DAB2IP: variants seen among roughly 807,000 people sequenced by gnomAD.
DAB2IP encodes the protein DAB2 interacting protein.
DAB2IP carries 28 observed loss-of-function variants against 107.2 expected under a neutral mutation model. That is an observed-to-expected ratio of 0.26 (90% CI 0.19 to 0.36). The LOEUF (loss-of-function observed/expected upper bound fraction) is 0.36, where lower values mean the gene tolerates loss of function less well. DAB2IP is among the 10% of genes least tolerant of loss of function. The pLI, the probability that DAB2IP is intolerant of heterozygous loss-of-function variation, is 1.00. For missense variants in DAB2IP, 1,400 were observed against 1,644.7 expected, an observed-to-expected ratio of 0.85 and a Z score of 2.57; for synonymous variants, 755 against 706.4, an observed-to-expected ratio of 1.07 and a Z score of -1.09.
exon 16 of DAB2IP, chr9:121,783,440 A>T (rs1835797762): frequency 1.9e-6 from 3 of 1,611,116 alleles, no homozygotes; most frequent in Non-Finnish European, 2.5e-6. Flanking sequence ...CCTGAAAGAA[A>T]AGGTGATCCT....
chr9:121,648,436 A>G (rs1832617028), upstream of DAB2IP, among the ~76,000 whole-genome samples: 1 of 150,726 alleles, frequency 6.6e-6, no homozygotes. Context: ...AGGGGGCTGA[A>G]ATGGGTTGGG....
At position 121,684,510 on chromosome 9, in the gene DAB2IP, C is replaced by T. The variant is rs1297929813; in HGVS notation, c.228+5729C>T. ...CTTTGGTCCAACTGCCCTCGGAGCCCCACGACAGCTCCTTCCCGCTCATCT... is the reference window on the plus strand; with the variant it reads ...CTTTGGTCCAACTGCCCTCGGAGCCTCACGACAGCTCCTTCCCGCTCATCT... On this transcript the variant is annotated intron_variant, in intron 2 of 15. Transcript: ENST00000408936. The surrounding 1 kb of genome is among the most constrained non-coding windows in gnomAD (Gnocchi z 4.0). Among the ~76,000 whole-genome samples the T allele has an allele frequency of 6.6e-6, 1 of 152,206 alleles. No homozygotes were observed. The highest frequency in any genetic ancestry group is 1.5e-5 in the Non-Finnish European group (1 of 68,042).
At chr9:121,775,640 C>T (rs1285118864) in intron 13 of DAB2IP, among the ~76,000 whole-genome samples, 1 of 152,238 alleles carries the variant, frequency 6.6e-6, no homozygotes, top group Non-Finnish European at 1.5e-5. Context: ...TGGACTGAGG[C>T]AGATCCAGAG....
intron 3 of DAB2IP, among the ~76,000 whole-genome samples, chr9:121,725,659 C>T (rs1346492246): frequency 6.6e-6 from 1 of 152,140 alleles, no homozygotes; most frequent in African/African-American, 2.4e-5. Flanking sequence ...ACTCTACCAG[C>T]GCTCAAGGAA....
chr9:121,728,177 C>T (rs1452073279), intron 3 of DAB2IP, among the ~76,000 whole-genome samples: 3 of 152,138 alleles, frequency 2.0e-5, no homozygotes, highest in African/African-American at 7.2e-5. Flanking sequence ...CCCTTGTTCT[C>T]CTTTCTTCCC....
intron 1 of DAB2IP, among the ~76,000 whole-genome samples, chr9:121,671,226 C>T (rs1445135937): frequency 6.6e-6 from 1 of 152,166 alleles, no homozygotes; most frequent in Non-Finnish European, 1.5e-5. Flanking sequence ...ATCCCAGCTA[C>T]TCAGAAGGCT....
intron 1 of DAB2IP, among the ~76,000 whole-genome samples, chr9:121,661,602 T>C (rs528779233): frequency 5.9e-5 from 9 of 152,252 alleles, no homozygotes; most frequent in Admixed American, 3.3e-4. Flanking sequence ...AGAGGCTCTC[T>C]TCCAGAAGTT....
rs1238595476 is a variant in DAB2IP at position 121,599,896 on chromosome 9, G to T, written c.40+32668G>T. ...GTTGGGGTAGGGGACTGAGGAATGG[G>T]CGGCGACTTTGCTTTATTTACCCCG... On this transcript the variant is annotated intron_variant, in intron 1 of 16. Coordinates refer to the DAB2IP transcript ENST00000259371. This position sits in a 1 kb window ranked among gnomAD's most constrained non-coding sequence, Gnocchi z 6.9. 2.0e-5 allele frequency among the ~76,000 whole-genome samples: 3 copies of T among 152,184 alleles called. No homozygotes were observed. The highest frequency in any genetic ancestry group is 1.3e-4 in the Admixed American group (2 of 15,284).
rs934555875 is a variant in DAB2IP at position 121,772,540 on chromosome 9, C to T, written c.2079-67C>T. 6.5e-7 allele frequency: 1 copy of T among 1,535,310 alleles called. No homozygotes were observed. Among genetic ancestry groups the T allele is most frequent in the Non-Finnish European group, 8.8e-7 (1 of 1,133,460 alleles). On this transcript the variant is annotated intron_variant, in intron 11 of 15. Transcript: ENST00000408936. This position sits in a 1 kb window ranked among gnomAD's most constrained non-coding sequence, Gnocchi z 4.7. ...GTTGGCGGGTGCTGTCGGTTTGGACCCGCCTTGGCTGCACTCACAGTTCTT... is the reference window on the plus strand; with the variant it reads ...GTTGGCGGGTGCTGTCGGTTTGGACTCGCCTTGGCTGCACTCACAGTTCTT...
At chr9:121,668,651 A>G (rs1833547141) in intron 1 of DAB2IP, among the ~76,000 whole-genome samples, 2 of 151,892 alleles carry the variant, frequency 1.3e-5, no homozygotes, top group South Asian at 4.1e-4. Context: ...GAGTCATATC[A>G]CCTATTTATA....
At chr9:121,617,090 C>T (rs1462214505) in intron 1 of DAB2IP, among the ~76,000 whole-genome samples, 2 of 152,112 alleles carry the variant, frequency 1.3e-5, no homozygotes, top group African/African-American at 4.8e-5. Context: ...TCCCAGCACT[C>T]TGGGAGGCCG....
At chr9:121,663,265 A>G (rs1456230740) in intron 1 of DAB2IP, among the ~76,000 whole-genome samples, 2 of 152,198 alleles carry the variant, frequency 1.3e-5, no homozygotes, top group Non-Finnish European at 2.9e-5. Flanking sequence ...CAGACTATTA[A>G]CGCGGCCAAC....
chr9:121,587,077 A>C (rs922626487), intron 1 of DAB2IP, among the ~76,000 whole-genome samples: 1 of 152,200 alleles, frequency 6.6e-6, no homozygotes, highest in African/African-American at 2.4e-5. Context: ...TTGTCCCCTC[A>C]GTAACCTGAC....
At chr9:121,765,130 G>A (rs1288786628) in intron 8 of DAB2IP, among the ~76,000 whole-genome samples, 1 of 152,248 alleles carries the variant, frequency 6.6e-6, no homozygotes, top group Non-Finnish European at 1.5e-5. Context: ...CCCTGGGCCG[G>A]TGGAGGAGAG....
rs143762972 is a variant in DAB2IP, at chr9:121,583,470, G to A, written c.40+16242G>A. On this transcript the variant is annotated intron_variant, in intron 1 of 16. Coordinates refer to the DAB2IP transcript ENST00000259371. ...GGGTAGGGGAGGAGCCGGCTCTTCT[G>A]GCCACTGAGGAACGTGCCAGAACAG... is the stretch of plus-strand genomic sequence containing the variant. Among the ~76,000 whole-genome samples the A allele has an allele frequency of 6.1e-4, 93 of 152,278 alleles. No individual in the cohort carries two copies. The East Asian group carries it at 0.015, about 25-fold the overall frequency.
At chr9:121,764,726 C>T (rs906660324) in intron 8 of DAB2IP, among the ~76,000 whole-genome samples, 1 of 152,350 alleles carries the variant, frequency 6.6e-6, no homozygotes, top group African/African-American at 2.4e-5. Flanking sequence ...TCTGACACCA[C>T]TCTCTCCCCG....
intron 1 of DAB2IP, among the ~76,000 whole-genome samples, chr9:121,645,567 C>T (rs1250902918): frequency 6.6e-6 from 1 of 152,184 alleles, no homozygotes; most frequent in African/African-American, 2.4e-5. Flanking sequence ...TCTCACTTCC[C>T]CATCTTCAGG....
Position 121,772,600 on chromosome 9 carries a change from C to A in DAB2IP, c.2079-7C>A. On this transcript the variant is annotated splice_polypyrimidine_tract_variant and splice_region_variant and intron_variant, in intron 11 of 15. Transcript: ENST00000408936. This position sits in a 1 kb window ranked among gnomAD's most constrained non-coding sequence, Gnocchi z 4.7. Reference sequence around the variant, plus strand: ...TTCTTTCCCTGTGTGTGCTTGTCTCCCTGCAGTCTGATAGATTTCACCCGG... The same window carrying A: ...TTCTTTCCCTGTGTGTGCTTGTCTCACTGCAGTCTGATAGATTTCACCCGG... 2 of 1,608,518 alleles carry A rather than the reference C, an allele frequency of 1.2e-6. No homozygotes were observed. The highest frequency in any genetic ancestry group is 1.7e-6 in the Non-Finnish European group (2 of 1,176,556).
At chr9:121,709,359 AGCCCCACCCACT>A (rs972211288) in intron 3 of DAB2IP, among the ~76,000 whole-genome samples, 72 of 152,194 alleles carry the variant, frequency 4.7e-4, no homozygotes, top group Admixed American at 1.8e-3. Context: ...ATGCTGTGAT[AGCCCCACCCACT>A]GCCCCACCCA....
Sources: allele counts gnomAD v4.1 joint callset (sites outside exome capture counted in the v4.1 genomes callset), GRCh38; gene constraint gnomAD v4.1.1; non-coding constraint Gnocchi (gnomAD v3.1); transcripts MANE v1.5; gene names NCBI Gene and HGNC (gene_info 2026-07-23, HGNC 2026-07-21).